ASTN2: variants seen among roughly 807,000 people sequenced by gnomAD.
The protein encoded by ASTN2 is astrotactin 2.
A neutral mutation model predicts 139.8 loss-of-function variants in ASTN2; 54 were observed. That is an observed-to-expected ratio of 0.39 (90% CI 0.31 to 0.48). ASTN2 has a LOEUF of 0.48. Among genes scored for constraint, ASTN2 ranks in the 20% least tolerant of loss-of-function variants. ASTN2 has a pLI of 0.95. For missense variants in ASTN2, 1,565 were observed against 1,725.1 expected (o/e 0.91, Z 1.64); for synonymous variants, 756 against 719.5 (o/e 1.05, Z -0.81).
chr9:116,924,399 C>T (rs929082498), intron 10 of ASTN2, among the ~76,000 whole-genome samples: 1 of 139,280 alleles, frequency 7.2e-6, no homozygotes, highest in Admixed American at 7.7e-5. Flanking sequence ...CACTGAACTC[C>T]AGCCTGGGTG....
intron 10 of ASTN2, 74 bp from the exon 11 acceptor site, chr9:116,863,807 C>T: frequency 7.1e-7 from 1 of 1,413,768 alleles, no homozygotes; most frequent in South Asian, 1.5e-5. Flanking sequence ...AATGTGAATT[C>T]ATTACATTTG....
chr9:116,790,234 C>T (rs550730728), intron 13 of ASTN2, among the ~76,000 whole-genome samples: 10 of 152,110 alleles, frequency 6.6e-5, no homozygotes, highest in East Asian at 5.8e-4. Flanking sequence ...CCTACCCTTA[C>T]TTTTCTCATC....
chr9:116,605,923 C>T (rs1378508743), intron 19 of ASTN2, among the ~76,000 whole-genome samples: 1 of 152,180 alleles, frequency 6.6e-6, no homozygotes, highest in South Asian at 2.1e-4. Context: ...CTAGCTCTGG[C>T]TGTACCAGTA....
At chr9:117,362,919 C>T (rs1474837657) in intron 1 of ASTN2, among the ~76,000 whole-genome samples, 1 of 152,198 alleles carries the variant, frequency 6.6e-6, no homozygotes, top group African/African-American at 2.4e-5. Flanking sequence ...GAAGCCTGCT[C>T]TGCTCCCTAG....
At position 116,733,514 on chromosome 9, in the gene ASTN2, G is replaced by A. The variant is rs1204996612; in HGVS notation, c.2406C>T (p.Asn802=). Residue 802 remains asparagine, a synonymous_variant, in exon 14 of 23, where the codon AAC becomes AAT. Transcript: ENST00000313400. ...CCAGCTGGGGAAAGTCCTTGATGAA[G>A]TTGTTCTCCCTGTGGAGAGGAGCAG... ...QVFQMTFREN[N]FIKDFPQLAD... is the part of the protein sequence containing the mutation. 5 of 1,614,074 alleles carry A rather than the reference G, an allele frequency of 3.1e-6. No homozygotes were observed. Among genetic ancestry groups the A allele is most frequent in the East Asian group, 2.2e-5 (1 of 44,888 alleles).
At chr9:117,383,068 T>A (rs1830311785) in intron 1 of ASTN2, among the ~76,000 whole-genome samples, 1 of 152,206 alleles carries the variant, frequency 6.6e-6, no homozygotes, top group Non-Finnish European at 1.5e-5. Flanking sequence ...AGACAATACG[T>A]AAACAAATAA....
chr9:116,767,562 C>T (rs534041761), intron 13 of ASTN2, among the ~76,000 whole-genome samples: 39 of 152,304 alleles, frequency 2.6e-4, no homozygotes, highest in East Asian at 9.6e-4. Flanking sequence ...ACTAATAAAG[C>T]GTGTGGCTGT....
chr9:117,182,233 C>CA (rs34087415), intron 3 of ASTN2, among the ~76,000 whole-genome samples: 2,453 of 116,902 alleles, frequency 0.021, 51 homozygotes, highest in African/African-American at 0.064. Flanking sequence ...GCATGCCTTC[C>CA]AAAAAAAAAA....
chr9:117,316,427 G>A (rs912382999), intron 1 of ASTN2, among the ~76,000 whole-genome samples: 3 of 152,114 alleles, frequency 2.0e-5, no homozygotes, highest in Non-Finnish European at 4.4e-5. Context: ...TGTATGTTGG[G>A]TTCTCACTAA....
At chr9:117,163,912 T>C (rs1830610002) in intron 3 of ASTN2, among the ~76,000 whole-genome samples, 1 of 152,076 alleles carries the variant, frequency 6.6e-6, no homozygotes, top group Admixed American at 6.6e-5. Flanking sequence ...AAGGCCATAT[T>C]TGTATAACTT....
intron 19 of ASTN2, chr9:116,611,122 C>T (rs558718689): frequency 6.6e-6 from 1 of 152,172 alleles, no homozygotes; most frequent in South Asian, 2.1e-4. Flanking sequence ...AAATCAACAA[C>T]AAAAATTTCT....
rs750300057 is a variant in ASTN2, at chr9:116,699,529, G to A, written c.2806+26242C>T. ...GATCTCATCGTGGCTGACAGTAGTC[G>A]CAAGGAAATTCTCCATTTTCCTAAG... On this transcript the variant is annotated intron_variant, in intron 16 of 22. Coordinates refer to ENST00000313400, the MANE Select transcript of ASTN2 (RefSeq NM_001365068.1). The surrounding 1 kb of genome is among the most constrained non-coding windows in gnomAD (Gnocchi z 4.2). 1.1e-5 allele frequency: 17 copies of A among 1,614,042 alleles called. No homozygotes were observed. The South Asian group carries it at 1.1e-4, about 10-fold the overall frequency.
intron 4 of ASTN2, among the ~76,000 whole-genome samples, chr9:117,133,811 G>T (rs769245298): frequency 4.6e-5 from 7 of 152,128 alleles, no homozygotes; most frequent in African/African-American, 7.2e-5. Context: ...TTTGAAAGAA[G>T]AGTAGAATTT....
chr9:116,550,259 G>C (rs1453844318), intron 19 of ASTN2, among the ~76,000 whole-genome samples: 1 of 152,178 alleles, frequency 6.6e-6, no homozygotes, highest in Non-Finnish European at 1.5e-5. Context: ...ACAGATCTGG[G>C]TTTCAATCTA....
intron 3 of ASTN2, among the ~76,000 whole-genome samples, chr9:117,185,324 T>C (rs1831170016): frequency 6.6e-6 from 1 of 152,204 alleles, no homozygotes; most frequent in African/African-American, 2.4e-5. Flanking sequence ...GCTGAGCTTT[T>C]CACAAATCAG....
intron 7 of ASTN2, among the ~76,000 whole-genome samples, chr9:116,995,193 A>G (rs932002872): frequency 1.3e-5 from 2 of 152,214 alleles, no homozygotes; most frequent in East Asian, 3.9e-4. Context: ...AGAGATCAGG[A>G]ATCAGTGGTC....
chr9:116,544,871 T>C (rs1852024790), intron 19 of ASTN2, among the ~76,000 whole-genome samples: 1 of 152,214 alleles, frequency 6.6e-6, no homozygotes, highest in African/African-American at 2.4e-5. Context: ...TAAAAAGGCC[T>C]CATAGGGATT....
intron 10 of ASTN2, among the ~76,000 whole-genome samples, chr9:116,889,980 G>A (rs535145391): frequency 6.6e-6 from 1 of 152,104 alleles, no homozygotes; most frequent in African/African-American, 2.4e-5. Context: ...AAGAAAGAGA[G>A]GAGGGAGGAA....
chr9:116,640,085 G>A (rs1020220), intron 17 of ASTN2, among the ~76,000 whole-genome samples: 42,262 of 152,046 alleles, frequency 0.28, 6,826 homozygotes, highest in Admixed American at 0.42. Context: ...ATATAAGAAA[G>A]GATGTTCTCT....
Sources: gnomAD v4.1 joint callset for allele counts (sites outside exome capture counted in the v4.1 genomes callset) on GRCh38, gnomAD v4.1.1 for gene constraint, Gnocchi (gnomAD v3.1) non-coding constraint, MANE v1.5 for transcripts, NCBI Gene and HGNC (gene_info 2026-07-23, HGNC 2026-07-21) for gene names.